Variants in VIPR2 observed in about 807,000 individuals in gnomAD.
VIPR2 encodes the protein vasoactive intestinal polypeptide receptor 2.
VIPR2 carries 48 observed loss-of-function variants against 58.0 expected under a neutral mutation model. The ratio of observed to expected loss-of-function variants is 0.83; its 90% CI spans 0.66 to 1.05. The LOEUF is 1.05. VIPR2 is among the 50% of genes least tolerant of loss of function. The pLI is 0.00. For missense variants in VIPR2, 534 were observed against 558.0 expected, an observed-to-expected ratio of 0.96 and a Z score of 0.43; for synonymous variants, 243 against 235.2, an observed-to-expected ratio of 1.03 and a Z score of -0.30.
In VIPR2 at chr7:159,030,667, G is replaced by C. The variant is rs1853491491; in HGVS notation, c.1266C>G (p.His422Gln). The change falls in exon 13 of 13, where the codon CAC becomes CAG. Residue 422 changes from histidine (H) to glutamine (Q), a missense_variant. His to Gln is a conservative substitution (Grantham distance 24). Transcript: ENST00000262178. ...GGAAGGACTGGGCGCGGGAGCCGCG[G>C]TGGAACTGCAGGGCGCCCTCCGAGC... ...RNGSEGALQF[H>Q]RGSRAQSFLQ... 6.4e-7 allele frequency: 1 copy of C among 1,564,558 alleles called. No individual in the cohort carries two copies. Among genetic ancestry groups the C allele is most frequent in the Admixed American group, 1.9e-5 (1 of 52,914 alleles).
intron 2 of VIPR2, among the ~76,000 whole-genome samples, chr7:159,120,684 G>A (rs904341548): frequency 6.6e-6 from 1 of 152,224 alleles, no homozygotes; most frequent in Non-Finnish European, 1.5e-5. Context: ...CATAGTAACA[G>A]GCTAGTGTGC....
intron 3 of VIPR2, among the ~76,000 whole-genome samples, chr7:159,107,484 G>A (rs981506145): frequency 6.6e-6 from 1 of 152,212 alleles, no homozygotes; most frequent in Non-Finnish European, 1.5e-5. Context: ...TCCTGGAGGG[G>A]ATGGGGGCAG....
chr7:159,037,002 G>A (rs1198886453), intron 6 of VIPR2, 100 bp from the exon 7 acceptor site: 2 of 1,387,432 alleles, frequency 1.4e-6, no homozygotes, highest in East Asian at 2.4e-5. Context: ...CTTGGTATCT[G>A]TGCAAGGAAG....
intron 2 of VIPR2, among the ~76,000 whole-genome samples, chr7:159,118,584 C>T (rs982242914): frequency 9.9e-5 from 15 of 152,214 alleles, no homozygotes; most frequent in Admixed American, 2.6e-4. Context: ...GAAATGGAAA[C>T]GTAGCCGCCA....
intron 6 of VIPR2, among the ~76,000 whole-genome samples, chr7:159,042,571 T>C (rs1222376340): frequency 6.6e-6 from 1 of 152,166 alleles, no homozygotes; most frequent in Non-Finnish European, 1.5e-5. Context: ...TGCAACTGAG[T>C]TCACAATCAG....
chr7:159,045,112 A>G (rs1484049222), intron 5 of VIPR2, among the ~76,000 whole-genome samples: 1 of 152,212 alleles, frequency 6.6e-6, no homozygotes, highest in East Asian at 1.9e-4. Context: ...GAACTTGCAG[A>G]GAGGTCAAAT....
At chr7:159,038,596 G>T (rs1021518881) in intron 6 of VIPR2, among the ~76,000 whole-genome samples, 3 of 152,064 alleles carry the variant, frequency 2.0e-5, no homozygotes, top group Non-Finnish European at 4.4e-5. Context: ...TAAAATCTCT[G>T]GGAGGTGAGA....
chr7:159,072,469 T>TAATAAGA (rs756568199), intron 4 of VIPR2, among the ~76,000 whole-genome samples: 77 of 152,198 alleles, frequency 5.1e-4, no homozygotes, highest in Non-Finnish European at 8.8e-4. Context: ...ATTAGAGCCT[T>TAATAAGA]AAATACCTTT....
At chr7:159,118,657 T>C (rs899626444) in intron 2 of VIPR2, among the ~76,000 whole-genome samples, 3 of 152,252 alleles carry the variant, frequency 2.0e-5, no homozygotes, top group African/African-American at 7.2e-5. Context: ...CAGAGATGCA[T>C]GATCAGGTCC....
chr7:159,044,587 G>A (rs1441461657), intron 5 of VIPR2, among the ~76,000 whole-genome samples: 3 of 51,630 alleles, frequency 5.8e-5, no homozygotes, highest in South Asian at 1.0e-3. Context: ...TGCTTAAAGA[G>A]TGCAAAAAAA....
intron 6 of VIPR2, among the ~76,000 whole-genome samples, chr7:159,041,406 T>C (rs896632595): frequency 3.3e-5 from 5 of 152,126 alleles, no homozygotes; most frequent in Non-Finnish European, 2.9e-5. Flanking sequence ...TGGGGTCCAC[T>C]GAGGGTCTGT....
At chr7:159,045,893 A>ATATATATATATATGT (rs55958534) in intron 5 of VIPR2, among the ~76,000 whole-genome samples, 2 of 148,048 alleles carry the variant, frequency 1.4e-5, no homozygotes, top group East Asian at 3.9e-4. Flanking sequence ...AGTATCTAAA[A>ATATATATATATATGT]TATATAAAGA....
At chr7:159,140,951 T>A (rs1797441779) in intron 2 of VIPR2, among the ~76,000 whole-genome samples, 1 of 152,076 alleles carries the variant, frequency 6.6e-6, no homozygotes, top group African/African-American at 2.4e-5. Context: ...TTTTTTAATG[T>A]ATTGTTTGCA....
Position 159,032,022 on chromosome 7 carries a change from G to A in VIPR2, c.1017C>T (p.Val339=). The A allele has an allele frequency of 6.2e-7, 1 of 1,614,146 alleles. No individual in the cohort carries two copies. Among genetic ancestry groups the A allele is most frequent in the Non-Finnish European group, 8.5e-7 (1 of 1,180,048 alleles). ...GAAACACGGCAAACACCATGTAGTG[G>A]ACGCCGAACAGCGGGATAAGCAGGA... ...STLLLIPLFG[V]HYMVFAVFPI... is the part of the protein sequence containing the mutation. The change falls in exon 11 of 13, where the codon GTC becomes GTT. Residue 339 remains valine (V), a synonymous_variant. Coordinates refer to ENST00000262178, the MANE Select transcript of VIPR2 (RefSeq NM_003382.5).
At chr7:159,117,089 CCT>C (rs1320995417) in intron 2 of VIPR2, 1 of 529,372 alleles carries the variant, frequency 1.9e-6, no homozygotes, top group Non-Finnish European at 3.4e-6. Context: ...GGCGAGAGCC[CCT>C]GTCCTCACAC....
chr7:159,074,558 T>C (rs562497994), intron 4 of VIPR2, among the ~76,000 whole-genome samples: 2 of 152,342 alleles, frequency 1.3e-5, no homozygotes, highest in East Asian at 3.9e-4. Flanking sequence ...TCTGGGACTT[T>C]GTAGCCTCCA....
intron 6 of VIPR2, 150 bp from the exon 7 acceptor site, chr7:159,037,052 G>A (rs1854013058): frequency 9.9e-7 from 1 of 1,005,354 alleles, no homozygotes. Flanking sequence ...GATTAACACA[G>A]AGGCCAGGGC....
At chr7:159,076,216 C>T (rs750218351) in intron 4 of VIPR2, among the ~76,000 whole-genome samples, 36 of 152,106 alleles carry the variant, frequency 2.4e-4, no homozygotes, top group Admixed American at 5.2e-4. Flanking sequence ...GCCATGGCCA[C>T]TTTGGGGAAC....
intron 5 of VIPR2, among the ~76,000 whole-genome samples, chr7:159,052,236 A>G (rs1449419993): frequency 6.6e-6 from 1 of 152,208 alleles, no homozygotes; most frequent in Non-Finnish European, 1.5e-5. Context: ...TGACAATACC[A>G]GGACTGAAGG....
Sources: gnomAD v4.1 joint callset for allele counts (sites outside exome capture counted in the v4.1 genomes callset) on GRCh38, gnomAD v4.1.1 for gene constraint, MANE v1.5 for transcripts, NCBI Gene and HGNC (gene_info 2026-07-23, HGNC 2026-07-21) for gene names.